SIAH3: variants seen among roughly 807,000 people sequenced by gnomAD.
The protein encoded by SIAH3 is seven in absentia homolog 3.
Under a neutral mutation model 12.6 loss-of-function variants are expected in SIAH3, and 9 were observed. The observed-to-expected ratio is 0.72, with a 90% CI of 0.43 to 1.25. The LOEUF (loss-of-function observed/expected upper bound fraction) is 1.25. Among genes scored for constraint, SIAH3 ranks in the 50% most tolerant of loss-of-function variants. SIAH3 has a pLI of 0.00. For synonymous variants in SIAH3, 154 were observed against 151.1 expected, an observed-to-expected ratio of 1.02 and a Z score of -0.14; for missense variants, 390 against 365.4, an observed-to-expected ratio of 1.07 and a Z score of -0.55.
intron 1 of SIAH3, among the ~76,000 whole-genome samples, chr13:45,806,684 G>A (rs186990293): frequency 6.2e-4 from 94 of 152,238 alleles, no homozygotes; most frequent in African/African-American, 2.2e-3. Flanking sequence ...ATTTACCCAT[G>A]TAACAAACCT....
intron 1 of SIAH3, among the ~76,000 whole-genome samples, chr13:45,843,056 G>GTGTGTGTGTGTGTGTGTA (rs1950746459): frequency 1.3e-5 from 2 of 151,762 alleles, no homozygotes; most frequent in Admixed American, 6.6e-5. Flanking sequence ...GTGTGTGTGT[G>GTGTGTGTGTGTGTGTGTA]TGTGTAGAAA....
intron 1 of SIAH3, among the ~76,000 whole-genome samples, chr13:45,829,380 A>G (rs1950690487): frequency 6.6e-6 from 1 of 152,134 alleles, no homozygotes; most frequent in Non-Finnish European, 1.5e-5. Flanking sequence ...AGGTGGGAGG[A>G]TTGCTTGAGC....
intron 1 of SIAH3, 70 bp from the exon 2 acceptor site, chr13:45,784,127 T>G: frequency 5.0e-6 from 7 of 1,412,152 alleles, no homozygotes; most frequent in Non-Finnish European, 6.7e-6. Context: ...TCCCCTGATG[T>G]TCAAAGTGTT....
intron 1 of SIAH3, among the ~76,000 whole-genome samples, chr13:45,819,639 A>G (rs377593773): frequency 3.9e-5 from 6 of 152,290 alleles, no homozygotes; most frequent in South Asian, 4.1e-4. Context: ...ATAGCTTCTG[A>G]TTGCTCTGTG....
chr13:45,849,182 G>A (rs924967883), intron 1 of SIAH3, among the ~76,000 whole-genome samples: 1 of 152,156 alleles, frequency 6.6e-6, no homozygotes, highest in Non-Finnish European at 1.5e-5. Context: ...CAAATCCTGT[G>A]TGCCTAATCC....
intron 1 of SIAH3, among the ~76,000 whole-genome samples, chr13:45,820,235 G>A (rs939231781): frequency 5.3e-5 from 8 of 152,164 alleles, no homozygotes; most frequent in African/African-American, 1.4e-4. Flanking sequence ...ACAGCACCAC[G>A]AGCGAACCCC....
At position 45,849,941 on chromosome 13, in the gene SIAH3, G is replaced by A. The variant is rs559973764; in HGVS notation, c.135+1554C>T. Among the ~76,000 whole-genome samples, 4 of 152,292 alleles carry A rather than the reference G, an allele frequency of 2.6e-5. 1 individual carries two copies. In the South Asian group the frequency reaches 8.3e-4, roughly 32 times the overall value. ...AAGTTTGAATGCAGTCTCAAAAGTGGCCATAAAATGGAATTCAGAATTTTA... is the reference window on the plus strand; with the variant it reads ...AAGTTTGAATGCAGTCTCAAAAGTGACCATAAAATGGAATTCAGAATTTTA... On this transcript the variant is annotated intron_variant, in intron 1 of 1. Coordinates refer to ENST00000400405, the MANE Select transcript of SIAH3 (RefSeq NM_198849.3).
chr13:45,783,712 AGTGCATGATGATCCAATCAGCCGGC>A lies in SIAH3; in HGVS notation c.456_480del (p.Asp155LeufsTer9). The A allele has an allele frequency of 6.2e-7, 1 of 1,614,100 alleles. No homozygotes were observed. Among genetic ancestry groups the A allele is most frequent in the Non-Finnish European group, 8.5e-7 (1 of 1,180,006 alleles). On this transcript the variant is annotated frameshift_variant, in exon 2 of 2. Transcript: ENST00000400405. LOFTEE classifies it high-confidence loss of function. ...AACAGAAAGTGGTGGCCAAGGCAGG[AGTGCATGATGATCCAATCAGCCGGC>A]GCGGGGAGGTGCATGTCCGTGGCCA...
At chr13:45,820,663 T>A (rs951066014) in intron 1 of SIAH3, among the ~76,000 whole-genome samples, 1 of 152,102 alleles carries the variant, frequency 6.6e-6, no homozygotes, top group African/African-American at 2.4e-5. Flanking sequence ...GCCCTCCTTT[T>A]CCACCAGCCT....
At chr13:45,793,821 T>C (rs767745489) in intron 1 of SIAH3, among the ~76,000 whole-genome samples, 6 of 152,260 alleles carry the variant, frequency 3.9e-5, no homozygotes, top group Non-Finnish European at 7.3e-5. Context: ...AATGTGATCT[T>C]ACTTGCGAAA....
At position 45,851,613 on chromosome 13, in the gene SIAH3, T is replaced by C. The variant is rs377678107; in HGVS notation, c.17A>G (p.Gln6Arg). Residue 6 changes from glutamine to arginine, a missense_variant, in exon 1 of 2, where the codon CAG becomes CGG. Transcript: ENST00000400405. ...GAGATCTAATACAGCCCCAAAGCACTGGGTAAAGAAAAGCATCACAACTTT... is the reference window on the plus strand; with the variant it reads ...GAGATCTAATACAGCCCCAAAGCACCGGGTAAAGAAAAGCATCACAACTTT... MLFFTQCFGAVLDLIH... is the reference protein window; with the variant it reads MLFFTRCFGAVLDLIH... The C allele has an allele frequency of 1.2e-6, 2 of 1,614,136 alleles. No homozygotes were observed. Among genetic ancestry groups the C allele is most frequent in the African/African-American group, 1.3e-5 (1 of 75,020 alleles).
chr13:45,814,254 A>AG (rs1195055540), intron 1 of SIAH3, among the ~76,000 whole-genome samples: 3 of 151,494 alleles, frequency 2.0e-5, no homozygotes, highest in South Asian at 2.1e-4. Flanking sequence ...AAAAAAAAAA[A>AG]AAAAAAATAC....
chr13:45,792,954 T>C (rs994069464), intron 1 of SIAH3, among the ~76,000 whole-genome samples: 1 of 151,294 alleles, frequency 6.6e-6, no homozygotes, highest in African/African-American at 2.5e-5. Flanking sequence ...AGTTAGACTT[T>C]CATATCCGTA....
At chr13:45,836,764 C>T (rs1950719327) in intron 1 of SIAH3, among the ~76,000 whole-genome samples, 1 of 152,050 alleles carries the variant, frequency 6.6e-6, no homozygotes, top group East Asian at 1.9e-4. Flanking sequence ...GCACGTGTAC[C>T]CCAAACTTAA....
At chr13:45,824,339 T>C (rs369319313) in intron 1 of SIAH3, among the ~76,000 whole-genome samples, 1 of 152,220 alleles carries the variant, frequency 6.6e-6, no homozygotes, top group East Asian at 1.9e-4. Context: ...TTAGATTGAA[T>C]GTAGTCAGGC....
chr13:45,825,206 T>C (rs1461719607), intron 1 of SIAH3, among the ~76,000 whole-genome samples: 1 of 152,200 alleles, frequency 6.6e-6, no homozygotes, highest in Non-Finnish European at 1.5e-5. Context: ...TCAGCTTTCC[T>C]CTAAGTGCTA....
In SIAH3 at chr13:45,778,926, A is replaced by T. The variant is rs1950493919; in HGVS notation, c.*4457T>A. ...AGGGACTTGAGCATCTTCAGATTTT[A>T]GTGTCCACGAGATTCCTGGAACCAA... is the stretch of plus-strand genomic sequence containing the variant. On this transcript the variant is annotated 3_prime_UTR_variant, in exon 2 of 2. Coordinates refer to ENST00000400405, the MANE Select transcript of SIAH3 (RefSeq NM_198849.3). 6.6e-6 allele frequency: 1 copy of T among 152,198 alleles called. No individual in the cohort carries two copies. Among genetic ancestry groups the T allele is most frequent in the South Asian group, 2.1e-4 (1 of 4,824 alleles). The allele number at this position is 152,198 out of a possible 1,614,324, so 9.4% of individuals were successfully genotyped here.
In SIAH3 at chr13:45,783,258, A is replaced by ATAAT; in HGVS notation, c.*121_*124dup. On this transcript the variant is annotated 3_prime_UTR_variant, in exon 2 of 2. Transcript: ENST00000400405. ...AAGTACCTGAGACAAAAAAATAATA[A>ATAAT]TAATTAAAAATTAAAAAAAAAAAAA... is the stretch of plus-strand genomic sequence containing the variant. 5.1e-6 allele frequency: 3 copies of ATAAT among 592,550 alleles called. No individual in the cohort carries two copies. The highest frequency in any genetic ancestry group is 5.1e-6 in the Non-Finnish European group (2 of 395,030). The allele number at this position is 592,550 out of a possible 1,614,324, so 36.7% of individuals were successfully genotyped here. A position where few individuals can be genotyped will look rare whatever the true frequency, so the allele number is the denominator to read the frequency against.
chr13:45,797,018 T>C (rs926366453), intron 1 of SIAH3, among the ~76,000 whole-genome samples: 6 of 152,210 alleles, frequency 3.9e-5, no homozygotes, highest in African/African-American at 1.4e-4. Context: ...TCCCTAATAA[T>C]TCGTTCATCC....
Sources: allele counts gnomAD v4.1 joint callset (sites outside exome capture counted in the v4.1 genomes callset), GRCh38; gene constraint gnomAD v4.1.1; transcripts MANE v1.5; gene names NCBI Gene and HGNC (gene_info 2026-07-23, HGNC 2026-07-21).